Variants in CNKSR3 observed in about 807,000 individuals in gnomAD.
CNKSR3 encodes connector enhancer of kinase suppressor of ras 3.
Under a neutral mutation model 67.7 loss-of-function variants are expected in CNKSR3, and 36 were observed. That is an observed-to-expected ratio of 0.53 (90% confidence interval 0.41 to 0.70). The LOEUF is 0.70. Among genes scored for constraint, CNKSR3 ranks in the 30% least tolerant of loss-of-function variants. CNKSR3 has a pLI of 0.00. For synonymous variants in CNKSR3, 281 were observed against 271.4 expected (o/e 1.04, Z -0.35); for missense variants, 630 against 695.2 (o/e 0.91, Z 1.05).
At chr6:154,441,974 T>C in intron 3 of CNKSR3, 114 bp downstream of exon 3, 1 of 1,013,058 alleles carries the variant, frequency 9.9e-7, no homozygotes, top group Non-Finnish European at 1.4e-6. Context: ...TAAGAGCCGG[T>C]AAAAATGATA....
At chr6:154,440,971 G>T (rs566476319) in intron 4 of CNKSR3, among the ~76,000 whole-genome samples, 10 of 151,434 alleles carry the variant, frequency 6.6e-5, no homozygotes, top group Non-Finnish European at 1.5e-4. Context: ...ATGCAACTTA[G>T]TTACTCCAGA....
At position 154,395,242 on chromosome 6, in the gene CNKSR3, AG is replaced by A. The variant is rs1784649589; in HGVS notation, c.*11111del. 6.6e-6 allele frequency: 1 copy of A among 152,216 alleles called. No homozygotes were observed. The highest frequency in any genetic ancestry group is 1.5e-5 in the Non-Finnish European group (1 of 68,036). 9.4% of individuals were successfully genotyped at this position (152,216 alleles called of 1,614,324 possible). On this transcript the variant is annotated 3_prime_UTR_variant, in exon 13 of 13. Transcript: ENST00000607772. The stretch of plus-strand genomic sequence containing the variant: ...ATCCCATTTCCCATGTAATGAGTGA[AG>A]GGTAGTCTATGTTTCCAGTTAATTC...
intron 9 of CNKSR3, among the ~76,000 whole-genome samples, chr6:154,419,797 T>TA: frequency 6.6e-6 from 1 of 151,964 alleles, no homozygotes; most frequent in African/African-American, 2.4e-5. Context: ...AAGGAAATGC[T>TA]CGTGGGGCAT....
chr6:154,465,113 C>T (rs1301694492), intron 1 of CNKSR3, among the ~76,000 whole-genome samples: 2 of 140,338 alleles, frequency 1.4e-5, no homozygotes, highest in Non-Finnish European at 3.0e-5. Context: ...TGCACTCCAG[C>T]CTGGGCAACT....
At position 154,395,856 on chromosome 6, in the gene CNKSR3, TCCTGAG is replaced by T. The variant is rs1403291352; in HGVS notation, c.*10492_*10497del. On this transcript the variant is annotated 3_prime_UTR_variant, in exon 13 of 13. Coordinates refer to ENST00000607772, the MANE Select transcript of CNKSR3 (RefSeq NM_173515.4). The stretch of plus-strand genomic sequence containing the variant: ...CTCAAGAGATCCTCCCATCTCAGCC[TCCTGAG>T]TAGCTGGGACTACAGGTGCACACCA... The T allele has an allele frequency of 6.6e-6, 1 of 152,370 alleles. No individual in the cohort carries two copies. The highest frequency in any genetic ancestry group is 1.5e-5 in the Non-Finnish European group (1 of 68,194). The allele number at this position is 152,370 out of a possible 1,614,324, so 9.4% of individuals were successfully genotyped here. A position where few individuals can be genotyped will look rare whatever the true frequency, so the allele number is the denominator to read the frequency against.
At position 154,389,399 on chromosome 6, in the gene CNKSR3, T is replaced by C. The variant is rs547481499; in HGVS notation, c.*16955A>G. The C allele has an allele frequency of 5.2e-5, 8 of 152,526 alleles. No homozygotes were observed. The East Asian group carries it at 9.6e-4, about 18-fold the overall frequency. 9.4% of individuals were successfully genotyped at this position (152,526 alleles called of 1,614,324 possible). ...ACCATTGTTGAAGATCAGTTGACAA[T>C]ATACATGTGAATCTATTTCTGGACT... On this transcript the variant is annotated 3_prime_UTR_variant, in exon 13 of 13. Transcript: ENST00000607772.
chr6:154,417,111 C>A (rs937434202), intron 9 of CNKSR3, among the ~76,000 whole-genome samples: 1 of 152,182 alleles, frequency 6.6e-6, no homozygotes, highest in Non-Finnish European at 1.5e-5. Flanking sequence ...AAATACCTAA[C>A]ATCTCTTCCT....
At chr6:154,458,696 C>T (rs1172276067) in intron 1 of CNKSR3, among the ~76,000 whole-genome samples, 2 of 152,176 alleles carry the variant, frequency 1.3e-5, no homozygotes, top group East Asian at 1.9e-4. Flanking sequence ...CCCTGTCCTG[C>T]CCCAGTAACA....
chr6:154,451,332 T>C (rs921197877), intron 1 of CNKSR3, among the ~76,000 whole-genome samples: 1 of 152,210 alleles, frequency 6.6e-6, no homozygotes, highest in Non-Finnish European at 1.5e-5. Context: ...ATAATAAAAG[T>C]CACCTTAGTG....
intron 1 of CNKSR3, among the ~76,000 whole-genome samples, chr6:154,467,417 G>A (rs576696921): frequency 7.9e-5 from 12 of 152,270 alleles, no homozygotes; most frequent in African/African-American, 2.9e-4. Context: ...CTCATGGAGG[G>A]CTTACAGATG....
chr6:154,486,075 C>T (rs1253042993), intron 1 of CNKSR3, among the ~76,000 whole-genome samples: 1 of 152,168 alleles, frequency 6.6e-6, no homozygotes, highest in East Asian at 1.9e-4. Context: ...TGGGTATTAA[C>T]TATGGTAAAA....
At chr6:154,503,882 T>C (rs748065532) in intron 1 of CNKSR3, among the ~76,000 whole-genome samples, 3 of 152,206 alleles carry the variant, frequency 2.0e-5, no homozygotes, top group Non-Finnish European at 4.4e-5. Flanking sequence ...CCAGACCAGA[T>C]AGCCCAATAC....
rs1430384751 is a variant in CNKSR3, at chr6:154,403,375, T to A, written c.*2979A>T. 6.6e-5 allele frequency: 10 copies of A among 151,054 alleles called. No individual in the cohort carries two copies. Among genetic ancestry groups the A allele is most frequent in the African/African-American group, 2.2e-4 (9 of 40,916 alleles). The allele number at this position is 151,054 out of a possible 1,614,324, so 9.4% of individuals were successfully genotyped here. A position where few individuals can be genotyped will look rare whatever the true frequency, so the allele number is the denominator to read the frequency against. On this transcript the variant is annotated 3_prime_UTR_variant, in exon 13 of 13. Coordinates refer to ENST00000607772, the MANE Select transcript of CNKSR3 (RefSeq NM_173515.4). ...GTGAGTTGAGATTGTACCACTGCACTCTAGCCTGGGTGACAGAGTGAGAAT... is the reference window on the plus strand; with the variant it reads ...GTGAGTTGAGATTGTACCACTGCACACTAGCCTGGGTGACAGAGTGAGAAT...
intron 4 of CNKSR3, 50 bp downstream of exon 4, chr6:154,441,242 C>CAAAAAAAAAAAAAAAAAAAAAAAAA: frequency 1.2e-6 from 1 of 843,778 alleles, no homozygotes; most frequent in Non-Finnish European, 1.8e-6. Context: ...AGAGGAAAAG[C>CAAAAAAAAAAAAAAAAAAAAAAAAA]AAAAAAAAAA....
At chr6:154,467,871 T>C (rs1452484032) in intron 1 of CNKSR3, among the ~76,000 whole-genome samples, 1 of 151,734 alleles carries the variant, frequency 6.6e-6, no homozygotes, top group Non-Finnish European at 1.5e-5. Flanking sequence ...GTGATTCTCC[T>C]GCCTCAGCTT....
intron 2 of CNKSR3, among the ~76,000 whole-genome samples, chr6:154,444,218 T>C (rs1428428180): frequency 6.6e-6 from 1 of 152,216 alleles, no homozygotes. Context: ...TATTGAACAC[T>C]TTATGCCAGG....
Position 154,400,453 on chromosome 6 carries a change from C to A in CNKSR3, c.*5901G>T, listed in dbSNP as rs1240562623. On this transcript the variant is annotated 3_prime_UTR_variant, in exon 13 of 13. Transcript: ENST00000607772. Reference sequence around the variant, plus strand: ...CCAGAATTGAGTCCTTAATCACTGACCCCATGTGTATTTCTATGGAAGGGG... The same window carrying A: ...CCAGAATTGAGTCCTTAATCACTGAACCCATGTGTATTTCTATGGAAGGGG... The A allele has an allele frequency of 6.6e-6, 1 of 152,158 alleles. No homozygotes were observed. Among genetic ancestry groups the A allele is most frequent in the Non-Finnish European group, 1.5e-5 (1 of 68,034 alleles). 9.4% of individuals were successfully genotyped at this position (152,158 alleles called of 1,614,324 possible).
intron 7 of CNKSR3, among the ~76,000 whole-genome samples, chr6:154,424,673 T>C (rs78057517): frequency 0.014 from 2,101 of 152,306 alleles, 50 homozygotes; most frequent in African/African-American, 0.048. Flanking sequence ...CTGTGAGTTA[T>C]TTGTGAAAAC....
chr6:154,497,763 G>A (rs6557361), intron 1 of CNKSR3, among the ~76,000 whole-genome samples: 26,326 of 152,150 alleles, frequency 0.17, 3,127 homozygotes, highest in African/African-American at 0.35. Context: ...GAAGTTTTGT[G>A]AATTGTGTTT....
Sources: gnomAD v4.1 joint callset for allele counts (sites outside exome capture counted in the v4.1 genomes callset) on GRCh38, gnomAD v4.1.1 for gene constraint, MANE v1.5 for transcripts, NCBI Gene and HGNC (gene_info 2026-07-23, HGNC 2026-07-21) for gene names.